Variants in TIAM1 observed in about 807,000 individuals in gnomAD.
TIAM1 encodes the protein TIAM Rac1 associated GEF 1.
In TIAM1, 65 loss-of-function variants were observed where a neutral mutation model predicts 163.5. The ratio of observed to expected loss-of-function variants is 0.40; its 90% CI spans 0.33 to 0.49. The LOEUF (loss-of-function observed/expected upper bound fraction) is 0.49, where lower values mean the gene tolerates loss of function less well. TIAM1 is among the 20% of genes least tolerant of loss of function. TIAM1 has a pLI of 0.77. For synonymous variants in TIAM1, 833 were observed against 810.1 expected (o/e 1.03, Z -0.48); for missense variants, 1,789 against 2,044.7 (o/e 0.87, Z 2.41).
At chr21:31,292,452 C>G (rs2074060029) in intron 2 of TIAM1, among the ~76,000 whole-genome samples, 1 of 151,658 alleles carries the variant, frequency 6.6e-6, no homozygotes, top group African/African-American at 2.4e-5. Context: ...TCACTGCAGC[C>G]TCTGCCTCCC....
At chr21:31,363,831 T>C (rs1029051877) in intron 2 of TIAM1, among the ~76,000 whole-genome samples, 8 of 152,120 alleles carry the variant, frequency 5.3e-5, no homozygotes, top group African/African-American at 7.2e-5. Flanking sequence ...CTCTGGTTGG[T>C]TGGGGGGCAA....
At chr21:31,525,577 C>T (rs552683651) in intron 1 of TIAM1, among the ~76,000 whole-genome samples, 1 of 152,198 alleles carries the variant, frequency 6.6e-6, no homozygotes, top group East Asian at 1.9e-4. Flanking sequence ...ATTTTATAGA[C>T]AAGGCACTTG....
At chr21:31,270,833 T>A (rs548825093) in intron 3 of TIAM1, among the ~76,000 whole-genome samples, 1 of 152,328 alleles carries the variant, frequency 6.6e-6, no homozygotes, top group South Asian at 2.1e-4. Flanking sequence ...AGATTGGACA[T>A]CCCTGTTCTA....
chr21:31,547,594 T>C (rs1024332494), intron 1 of TIAM1, among the ~76,000 whole-genome samples: 3 of 152,224 alleles, frequency 2.0e-5, no homozygotes, highest in African/African-American at 7.2e-5. Flanking sequence ...GGTTTTAATT[T>C]TTATAATTAC....
At chr21:31,392,570 C>CAA (rs61454127) in intron 2 of TIAM1, among the ~76,000 whole-genome samples, 192 of 84,538 alleles carry the variant, frequency 2.3e-3, no homozygotes, top group Middle Eastern at 7.6e-3. Flanking sequence ...AACTCTGTCT[C>CAA]AAAAAAAAAA....
chr21:31,204,955 C>T (rs1000689476), intron 11 of TIAM1, among the ~76,000 whole-genome samples: 1 of 152,194 alleles, frequency 6.6e-6, no homozygotes, highest in Admixed American at 6.5e-5. Context: ...TGTCCCAGTG[C>T]ACCTGGCTTT....
At chr21:31,140,281 G>A (rs888053469) in intron 22 of TIAM1, among the ~76,000 whole-genome samples, 3 of 152,162 alleles carry the variant, frequency 2.0e-5, no homozygotes, top group Non-Finnish European at 4.4e-5. Context: ...CACAGCAAGA[G>A]TGTTTTTCCT....
At chr21:31,375,900 G>T (rs1050638623) in intron 2 of TIAM1, among the ~76,000 whole-genome samples, 3 of 151,956 alleles carry the variant, frequency 2.0e-5, no homozygotes, top group Non-Finnish European at 4.4e-5. Context: ...GATGGTGGGC[G>T]CCTGTAATCC....
intron 2 of TIAM1, among the ~76,000 whole-genome samples, chr21:31,461,791 G>A (rs536140109): frequency 2.0e-5 from 3 of 151,952 alleles, no homozygotes; most frequent in South Asian, 2.1e-4. Context: ...TCAGCCTCCC[G>A]GCCAGCTGGG....
rs990853755 is a variant in TIAM1 at position 31,339,285 on chromosome 21, G to C, written c.-231C>G. ...AGGCTTTGTCAAGATCTCCAAATGGGCCATCTGCAGGGACTGCTCACATAC... is the reference window on the plus strand; with the variant it reads ...AGGCTTTGTCAAGATCTCCAAATGGCCCATCTGCAGGGACTGCTCACATAC... On this transcript the variant is annotated 5_prime_UTR_variant, in exon 2 of 28. Coordinates refer to ENST00000541036, the MANE Select transcript of TIAM1 (RefSeq NM_001353694.2). The C allele has an allele frequency of 1.0e-5, 4 of 398,524 alleles. No individual in the cohort carries two copies. In the South Asian group the frequency reaches 5.1e-4, roughly 51 times the overall value. The allele number at this position is 398,524 out of a possible 1,614,324, so 24.7% of individuals were successfully genotyped here. A position where few individuals can be genotyped will look rare whatever the true frequency, so the allele number is the denominator to read the frequency against.
chr21:31,271,612 C>G (rs757372290), intron 3 of TIAM1, among the ~76,000 whole-genome samples: 9 of 152,208 alleles, frequency 5.9e-5, no homozygotes, highest in Admixed American at 6.5e-5. Flanking sequence ...CTGTCTAATT[C>G]CACTGAATTC....
At chr21:31,470,341 A>G (rs1308520510) in intron 1 of TIAM1, among the ~76,000 whole-genome samples, 1 of 145,524 alleles carries the variant, frequency 6.9e-6, no homozygotes, top group East Asian at 2.1e-4. Context: ...TTACTTATTT[A>G]TATTTCCTTG....
In TIAM1 at chr21:31,557,640, C is replaced by T. The variant is rs537768256; in HGVS notation, c.-422+1287G>A. 2.0e-5 allele frequency among the ~76,000 whole-genome samples: 3 copies of T among 152,302 alleles called. No individual in the cohort carries two copies. The South Asian group carries it at 6.2e-4, about 32-fold the overall frequency. ...CGCCAAGTCAGCGTGCATGGGTAAC[C>T]CGATCCGGACGGCTCTGACTCGGGA... On this transcript the variant is annotated intron_variant, in intron 1 of 28. Coordinates refer to the TIAM1 transcript ENST00000286827.
At chr21:31,131,645 T>C (rs1235412030) in intron 23 of TIAM1, among the ~76,000 whole-genome samples, 1 of 152,132 alleles carries the variant, frequency 6.6e-6, no homozygotes. Context: ...GTAAGTAGAG[T>C]TGGCACCCAG....
intron 2 of TIAM1, among the ~76,000 whole-genome samples, chr21:31,365,966 T>C (rs571886555): frequency 8.6e-5 from 13 of 150,596 alleles, no homozygotes; most frequent in South Asian, 6.3e-4. Context: ...GCTGCACCTA[T>C]AGTCCCAGCT....
chr21:31,152,982 T>A, intron 18 of TIAM1, 84 bp downstream of exon 18: 1 of 1,369,900 alleles, frequency 7.3e-7, no homozygotes, highest in Non-Finnish European at 1.0e-6. Flanking sequence ...GTTTTCAGTG[T>A]TACGCATGTC....
intron 1 of TIAM1, among the ~76,000 whole-genome samples, chr21:31,495,437 A>G (rs1220319311): frequency 6.6e-6 from 1 of 152,152 alleles, no homozygotes; most frequent in African/African-American, 2.4e-5. Context: ...CAAGAGAGCC[A>G]AATGCCGCGT....
chr21:31,139,704 T>C (rs1039861703), intron 22 of TIAM1, among the ~76,000 whole-genome samples: 1 of 152,258 alleles, frequency 6.6e-6, no homozygotes, highest in Middle Eastern at 3.2e-3. Context: ...TAGATTAAAT[T>C]ACCTGCCAAG....
intron 1 of TIAM1, among the ~76,000 whole-genome samples, chr21:31,516,107 C>CAAA (rs1345174912): frequency 6.2e-5 from 4 of 64,352 alleles, no homozygotes; most frequent in East Asian, 5.5e-4. Flanking sequence ...GACTCCATCT[C>CAAA]AAAAAAAAAA....
Sources: allele counts gnomAD v4.1 joint callset (sites outside exome capture counted in the v4.1 genomes callset), GRCh38; gene constraint gnomAD v4.1.1; transcripts MANE v1.5; gene names NCBI Gene and HGNC (gene_info 2026-07-23, HGNC 2026-07-21).